SSPN: variants seen among roughly 807,000 people sequenced by gnomAD.
SSPN encodes the protein K-ras oncogene-associated protein.
Under a neutral mutation model 19.1 loss-of-function variants are expected in SSPN, and 15 were observed. The observed-to-expected ratio is 0.78, with a 90% CI of 0.52 to 1.21. The LOEUF (loss-of-function observed/expected upper bound fraction) is 1.21, where lower values mean the gene tolerates loss of function less well. Among genes scored for constraint, SSPN ranks in the 50% most tolerant of loss-of-function variants. The pLI, the probability that SSPN is intolerant of heterozygous loss-of-function variation, is 0.00. For synonymous variants in SSPN, 147 were observed against 140.3 expected, an observed-to-expected ratio of 1.05 and a Z score of -0.34; for missense variants, 291 against 314.0, an observed-to-expected ratio of 0.93 and a Z score of 0.55.
At chr12:26,136,785 T>C (rs557548381) in intron 1 of SSPN, among the ~76,000 whole-genome samples, 54 of 152,342 alleles carry the variant, frequency 3.5e-4, no homozygotes, top group Non-Finnish European at 6.2e-4. Context: ...GTACTTCGTG[T>C]GCTACTTGGA....
intron 1 of SSPN, among the ~76,000 whole-genome samples, chr12:26,157,220 C>T (rs759833539): frequency 9.2e-5 from 14 of 152,288 alleles, no homozygotes; most frequent in South Asian, 2.1e-4. Flanking sequence ...TAATAATTAA[C>T]AAAAGCGGCT....
intron 1 of SSPN, among the ~76,000 whole-genome samples, chr12:26,207,183 C>G (rs1944938258): frequency 6.6e-6 from 1 of 151,982 alleles, no homozygotes; most frequent in Non-Finnish European, 1.5e-5. Context: ...GAATCATTTT[C>G]CAAAAAATAT....
chr12:26,177,600 G>A (rs1452199255), intron 1 of SSPN, among the ~76,000 whole-genome samples: 2 of 152,192 alleles, frequency 1.3e-5, no homozygotes, highest in Admixed American at 6.5e-5. Flanking sequence ...TTACTGTGGA[G>A]GGCCGTGGAA....
chr12:26,225,394 T>C (rs1004265080), intron 2 of SSPN, among the ~76,000 whole-genome samples: 5 of 152,148 alleles, frequency 3.3e-5, no homozygotes, highest in Admixed American at 2.6e-4. Context: ...TAATAACTAA[T>C]TTTAAAAAGC....
intron 1 of SSPN, among the ~76,000 whole-genome samples, chr12:26,146,910 T>C (rs1279994499): frequency 6.6e-6 from 1 of 151,778 alleles, no homozygotes; most frequent in Non-Finnish European, 1.5e-5. Context: ...AAAAAAGCAG[T>C]ATGTATATTA....
chr12:26,230,655 A>G, intron 2 of SSPN, 56 bp from the exon 3 acceptor site: 1 of 1,528,932 alleles, frequency 6.5e-7, no homozygotes, highest in South Asian at 1.3e-5. Flanking sequence ...TTCGCTTTGC[A>G]AATCATCATC....
At chr12:26,195,332 CCGCACTCGCACACGCG>C (rs1334194020), upstream of SSPN, 1 of 271,140 alleles carries the variant, frequency 3.7e-6, no homozygotes, top group Non-Finnish European at 6.9e-6. Flanking sequence ...AACAGACGCC[CCGCACTCGCACACGCG>C]CGCACTCGCA....
chr12:26,122,453 G>C, intron 1 of SSPN: 1 of 1,358,300 alleles, frequency 7.4e-7, no homozygotes, highest in Non-Finnish European at 9.6e-7. Context: ...CAGAAGGCGA[G>C]AGGAAGCAGA....
At chr12:26,164,548 TAAAC>T (rs1435387936) in intron 1 of SSPN, among the ~76,000 whole-genome samples, 1 of 152,208 alleles carries the variant, frequency 6.6e-6, no homozygotes, top group Non-Finnish European at 1.5e-5. Context: ...TCTAAACAAA[TAAAC>T]CTATGACGTG....
chr12:26,142,475 G>A (rs192255612), intron 1 of SSPN, among the ~76,000 whole-genome samples: 18 of 152,204 alleles, frequency 1.2e-4, no homozygotes, highest in African/African-American at 3.9e-4. Flanking sequence ...TGACACTCAG[G>A]GTTTGGTTTG....
chr12:26,130,204 CTG>C (rs1944389775), intron 1 of SSPN, among the ~76,000 whole-genome samples: 1 of 152,158 alleles, frequency 6.6e-6, no homozygotes. Context: ...CTTTTAATGT[CTG>C]TGTTTCCTTT....
intron 1 of SSPN, chr12:26,179,970 A>G (rs1176507164): frequency 1.1e-5 from 1 of 93,768 alleles, no homozygotes; most frequent in African/African-American, 4.3e-5. Flanking sequence ...ATATTTACTT[A>G]GCCTGCTGTC....
At chr12:26,214,271 T>C (rs1211881952) in intron 1 of SSPN, among the ~76,000 whole-genome samples, 1 of 152,166 alleles carries the variant, frequency 6.6e-6, no homozygotes, top group Non-Finnish European at 1.5e-5. Context: ...TGCCTTAGGA[T>C]TGGTGCTTCA....
chr12:26,122,762 G>A (rs1383729570), intron 1 of SSPN: 1 of 1,592,750 alleles, frequency 6.3e-7, no homozygotes, highest in South Asian at 1.1e-5. Context: ...CTTTCTCGCG[G>A]TCCGGCCGGG....
intron 1 of SSPN, among the ~76,000 whole-genome samples, chr12:26,201,046 T>TATAATATATATATATATATATAAAA (rs59727119): frequency 2.6e-5 from 2 of 77,200 alleles, no homozygotes; most frequent in Non-Finnish European, 4.7e-5. Flanking sequence ...TATATATATA[T>TATAATATATATATATATATATAAAA]TATATATATA....
At chr12:26,156,188 G>C (rs533425786) in intron 1 of SSPN, among the ~76,000 whole-genome samples, 3 of 152,168 alleles carry the variant, frequency 2.0e-5, no homozygotes, top group African/African-American at 7.2e-5. Flanking sequence ...CCAGAACTCC[G>C]TGAAGTAGAC....
At chr12:26,202,276 G>T (rs1944893585) in intron 1 of SSPN, among the ~76,000 whole-genome samples, 1 of 152,062 alleles carries the variant, frequency 6.6e-6, no homozygotes, top group African/African-American at 2.4e-5. Flanking sequence ...TTGATACAGA[G>T]GGCTGACTGT....
chr12:26,133,667 G>GA (rs1944408888), intron 1 of SSPN, among the ~76,000 whole-genome samples: 1 of 152,224 alleles, frequency 6.6e-6, no homozygotes, highest in Non-Finnish European at 1.5e-5. Context: ...CTGCCATGTG[G>GA]AAGAGGCTGA....
chr12:26,232,179 T>A lies in SSPN; in HGVS notation c.*1103T>A, dbSNP rs936611598. 7.1e-6 allele frequency: 7 copies of A among 985,342 alleles called. No individual in the cohort carries two copies. The African/African-American group carries it at 1.2e-4, about 17-fold the overall frequency. 61.0% of individuals were successfully genotyped at this position (985,342 alleles called of 1,614,324 possible). A position where few individuals can be genotyped will look rare whatever the true frequency, so the allele number is the denominator to read the frequency against. On this transcript the variant is annotated 3_prime_UTR_variant, in exon 3 of 3. Transcript: ENST00000242729. ...ATTGGGTAATGCTGATGTGTTCCAT[T>A]CATGAAACTGTATTTGATACATAAT...
Sources: gnomAD v4.1 joint callset for allele counts (sites outside exome capture counted in the v4.1 genomes callset) on GRCh38, gnomAD v4.1.1 for gene constraint, MANE v1.5 for transcripts, NCBI Gene and HGNC (gene_info 2026-07-23, HGNC 2026-07-21) for gene names.